MICAL3: variants seen among roughly 807,000 people sequenced by gnomAD.
The protein encoded by MICAL3 is [F-actin]-monooxygenase MICAL3.
A neutral mutation model predicts 207.4 loss-of-function variants in MICAL3; 62 were observed. That is an observed-to-expected ratio of 0.30 (90% CI 0.24 to 0.37). The LOEUF (loss-of-function observed/expected upper bound fraction) is 0.37, where lower values mean the gene tolerates loss of function less well. Ranked by LOEUF, MICAL3 falls within the 10% of genes least tolerant of loss-of-function variation. The pLI, the probability that MICAL3 is intolerant of heterozygous loss-of-function variation, is 1.00. For missense variants in MICAL3, 2,368 were observed against 2,635.6 expected, an observed-to-expected ratio of 0.90 and a Z score of 2.22; for synonymous variants, 1,077 against 1,069.3, an observed-to-expected ratio of 1.01 and a Z score of -0.14.
intron 19 of MICAL3, chr22:17,858,601 C>G: frequency 3.4e-6 from 1 of 296,490 alleles, no homozygotes; most frequent in Non-Finnish European, 5.0e-6. Flanking sequence ...ATAAGAGTGG[C>G]CCATTTTCAC....
At chr22:17,963,343 A>C (rs1000688374) in intron 1 of MICAL3, among the ~76,000 whole-genome samples, 7 of 152,146 alleles carry the variant, frequency 4.6e-5, no homozygotes, top group African/African-American at 1.7e-4. Context: ...GGATGTTTAA[A>C]GGAAGACTGT....
At chr22:17,984,088 C>T (rs1307177364) in intron 1 of MICAL3, among the ~76,000 whole-genome samples, 6 of 152,170 alleles carry the variant, frequency 3.9e-5, no homozygotes, top group South Asian at 4.1e-4. Flanking sequence ...CTCACCTTAT[C>T]GTCAAAGTTC....
intron 1 of MICAL3, among the ~76,000 whole-genome samples, chr22:17,991,343 T>C (rs962294083): frequency 5.3e-5 from 8 of 152,242 alleles, no homozygotes; most frequent in African/African-American, 1.7e-4. Flanking sequence ...GCCTAAAATA[T>C]TGTCTATAGC....
chr22:17,823,342 T>C lies in MICAL3; in HGVS notation c.3194-282A>G, dbSNP rs532086775. Among the ~76,000 whole-genome samples, 5 of 152,244 alleles carry C rather than the reference T, an allele frequency of 3.3e-5. 1 individual carries two copies. In the East Asian group the frequency reaches 9.7e-4, roughly 29 times the overall value. On this transcript the variant is annotated intron_variant, in intron 22 of 31. Transcript: ENST00000441493. Reference sequence around the variant, plus strand: ...GGCATTGTTCCTCTTCCCCCAAAGGTTGCTGTAGGAACCTCAGTTGGAGGA... The same window carrying C: ...GGCATTGTTCCTCTTCCCCCAAAGGCTGCTGTAGGAACCTCAGTTGGAGGA...
chr22:17,849,439 G>T (rs1173362449), intron 19 of MICAL3, among the ~76,000 whole-genome samples: 1 of 152,104 alleles, frequency 6.6e-6, no homozygotes, highest in African/African-American at 2.4e-5. Context: ...GGCTCAGGTG[G>T]TCCTCCCGTC....
At chr22:17,881,825 CATG>C (rs997946136) in intron 16 of MICAL3, among the ~76,000 whole-genome samples, 18 of 152,226 alleles carry the variant, frequency 1.2e-4, no homozygotes, top group African/African-American at 4.3e-4. Flanking sequence ...AAGGCAGGAG[CATG>C]ATGTCAAAAT....
In MICAL3 at chr22:17,876,991, GGGAGGTGAGGGAGGTTAT is replaced by G. The variant is rs1928597297; in HGVS notation, c.2242-4986_2242-4969del. On this transcript the variant is annotated intron_variant, in intron 16 of 31. Coordinates refer to ENST00000441493, the MANE Select transcript of MICAL3 (RefSeq NM_015241.3). ...GAGGTTATGGAGGTTAGGGAGGTTAGGGAGGTGAGGGAGGTTATGGAGGTTATGGAGGTTATGGAGGTT... is the reference window on the plus strand; with the variant it reads ...GAGGTTATGGAGGTTAGGGAGGTTAGGGAGGTTATGGAGGTTATGGAGGTT... 1.5e-4 allele frequency: 4 copies of G among 25,924 alleles called. 1 individual carries two copies. The highest frequency in any genetic ancestry group is 1.1e-3 in the Admixed American group (2 of 1,822). The allele number at this position is 25,924 out of a possible 1,614,324, so 1.6% of individuals were successfully genotyped here. A position where few individuals can be genotyped will look rare whatever the true frequency, so the allele number is the denominator to read the frequency against.
At chr22:17,972,473 A>T (rs375363397) in intron 1 of MICAL3, among the ~76,000 whole-genome samples, 1 of 152,144 alleles carries the variant, frequency 6.6e-6, no homozygotes, top group South Asian at 2.1e-4. Context: ...GACGTACGGG[A>T]GTAGGGACAG....
chr22:17,816,921 A>G (rs1921053921), intron 26 of MICAL3, 137 bp from the exon 27 acceptor site: 1 of 710,514 alleles, frequency 1.4e-6, no homozygotes, highest in South Asian at 1.7e-5. Context: ...TCCATCCCCC[A>G]TCCTGGGGAG....
intron 29 of MICAL3, among the ~76,000 whole-genome samples, chr22:17,799,479 G>A (rs577348189): frequency 5.9e-5 from 9 of 152,334 alleles, no homozygotes; most frequent in Admixed American, 2.6e-4. Flanking sequence ...ACTCTGCCTT[G>A]CTCAGGTTAT....
chr22:18,005,625 T>C (rs1923340284), intron 1 of MICAL3: 1 of 152,242 alleles, frequency 6.6e-6, no homozygotes, highest in Admixed American at 6.5e-5. Context: ...GACTTCTTTA[T>C]ACTGGTTTGT....
chr22:17,935,582 A>G (rs566890315), intron 1 of MICAL3, among the ~76,000 whole-genome samples: 41 of 152,354 alleles, frequency 2.7e-4, no homozygotes, highest in Admixed American at 2.1e-3. Context: ...GACAAATGGA[A>G]TCTAATTAAA....
At position 17,955,900 on chromosome 22, in the gene MICAL3, G is replaced by A. The variant is rs560609679; in HGVS notation, c.-74-49014C>T. On this transcript the variant is annotated intron_variant, in intron 1 of 31. Coordinates refer to ENST00000441493, the MANE Select transcript of MICAL3 (RefSeq NM_015241.3). ...CGACTCCCCACTCAGCTGCATGTTT[G>A]CTCCAGCTTTCCTAAGGACTTGAAT... Among the ~76,000 whole-genome samples the A allele has an allele frequency of 2.3e-4, 35 of 152,328 alleles. 2 individuals are homozygous for A. Among genetic ancestry groups the A allele is most frequent in the Admixed American group, 3.9e-4 (6 of 15,302 alleles).
intron 1 of MICAL3, among the ~76,000 whole-genome samples, chr22:17,920,575 C>T (rs1028695220): frequency 3.3e-5 from 5 of 152,194 alleles, no homozygotes; most frequent in African/African-American, 4.8e-5. Flanking sequence ...CTCTCCACAC[C>T]GGCCTCCAGT....
chr22:17,979,987 C>A (rs538850398), intron 1 of MICAL3, among the ~76,000 whole-genome samples: 1 of 152,108 alleles, frequency 6.6e-6, no homozygotes, highest in East Asian at 1.9e-4. Context: ...TGCCACCACA[C>A]CTAACTAATA....
chr22:18,022,590 GGT>G, intron 1 of MICAL3, among the ~76,000 whole-genome samples: 1 of 151,984 alleles, frequency 6.6e-6, no homozygotes, highest in Non-Finnish European at 1.5e-5. Flanking sequence ...CACCACACCT[GGT>G]TAATTTTTGT....
chr22:17,884,287 G>A (rs1179755791), intron 16 of MICAL3: 3 of 1,589,170 alleles, frequency 1.9e-6, no homozygotes, highest in Non-Finnish European at 2.6e-6. Flanking sequence ...GTTTCCACCG[G>A]GGGGTGGGGG....
At chr22:17,893,955 C>T (rs929915679) in intron 10 of MICAL3, 51 bp from the exon 11 acceptor site, 2 of 1,340,572 alleles carry the variant, frequency 1.5e-6, no homozygotes, top group Non-Finnish European at 2.1e-6. Context: ...TATCAAGTAA[C>T]AAATTCCTAC....
chr22:17,868,332 AG>A (rs200124968), intron 17 of MICAL3, among the ~76,000 whole-genome samples: 2 of 152,164 alleles, frequency 1.3e-5, no homozygotes, highest in Admixed American at 1.3e-4. Context: ...AAAAAAAAAA[AG>A]CTAATTTTAA....
Sources: gnomAD v4.1 joint callset for allele counts (sites outside exome capture counted in the v4.1 genomes callset) on GRCh38, gnomAD v4.1.1 for gene constraint, MANE v1.5 for transcripts, NCBI Gene and HGNC (gene_info 2026-07-23, HGNC 2026-07-21) for gene names.